Variants in PRUNE2 observed in about 807,000 individuals in gnomAD.
PRUNE2 encodes prune homolog 2 with BCH domain.
In PRUNE2, 164 loss-of-function variants were observed where a neutral mutation model predicts 252.0. The ratio of observed to expected loss-of-function variants is 0.65; its 90% CI spans 0.57 to 0.74. The LOEUF is 0.74. Ranked by LOEUF, PRUNE2 falls within the 30% of genes least tolerant of loss-of-function variation. The probability of loss-of-function intolerance (pLI) is 0.00; values close to 1 mark genes in which losing one functional copy is unlikely to be tolerated. For missense variants in PRUNE2, 3,495 were observed against 3,711.0 expected (o/e 0.94, Z 1.51); for synonymous variants, 1,292 against 1,350.2 (o/e 0.96, Z 0.94).
intron 16 of PRUNE2, among the ~76,000 whole-genome samples, chr9:76,626,759 G>A (rs553759422): frequency 2.0e-5 from 3 of 152,196 alleles, no homozygotes; most frequent in African/African-American, 4.8e-5. Context: ...GGGAGGCTTT[G>A]CAAGTGCTTT....
rs1835278590 is a variant in PRUNE2 at position 76,627,295 on chromosome 9, G to GC, written c.9149+1896_9149+1897insG. On this transcript the variant is annotated intron_variant, in intron 16 of 18. Coordinates refer to ENST00000376718, the MANE Select transcript of PRUNE2 (RefSeq NM_015225.3). ...TTTGTGTTTTTTTCATAGAGATGGGGTGGCGGGGGGCTCACCATGTTGCCC... is the reference window on the plus strand; with the variant it reads ...TTTGTGTTTTTTTCATAGAGATGGGGCTGGCGGGGGGCTCACCATGTTGCCC... Among the ~76,000 whole-genome samples, 2 of 69,498 alleles carry GC rather than the reference G, an allele frequency of 2.9e-5. 1 individual carries two copies. Among genetic ancestry groups the GC allele is most frequent in the Admixed American group, 4.4e-4 (2 of 4,512 alleles). 45.6% of individuals were successfully genotyped at this position (69,498 alleles called of 152,430 possible).
Position 76,652,543 on chromosome 9 carries a change from T to C in PRUNE2, c.8497A>G (p.Ile2833Val). The change falls in exon 11 of 19, where the codon ATC becomes GTC. Residue 2833 changes from isoleucine to valine, a missense_variant. Transcript: ENST00000376718. The stretch of plus-strand genomic sequence containing the variant: ...GGGGTATCAAGTTCATCCACATTGA[T>C]GTCAATTTCATCTGGACTGTCCAAG... Reference protein sequence around the residue: ...DNLDSPDEIDINVDELDTPDE... With the variant: ...DNLDSPDEIDVNVDELDTPDE... The C allele has an allele frequency of 6.2e-7, 1 of 1,613,504 alleles. No homozygotes were observed. Among genetic ancestry groups the C allele is most frequent in the Non-Finnish European group, 8.5e-7 (1 of 1,179,514 alleles).
intron 18 of PRUNE2, chr9:76,614,982 C>A: frequency 2.1e-6 from 1 of 481,290 alleles, no homozygotes; most frequent in Non-Finnish European, 2.8e-6. Flanking sequence ...AACAAATGTT[C>A]TGCCTCAAGT....
intron 9 of PRUNE2, among the ~76,000 whole-genome samples, chr9:76,699,889 T>A (rs1156744310): frequency 6.6e-6 from 1 of 152,222 alleles, no homozygotes; most frequent in Non-Finnish European, 1.5e-5. Context: ...TGCTACAGAT[T>A]ACCCTGCAAA....
intron 6 of PRUNE2, among the ~76,000 whole-genome samples, chr9:76,723,237 G>A (rs1252011172): frequency 6.6e-6 from 1 of 152,222 alleles, no homozygotes; most frequent in Non-Finnish European, 1.5e-5. Context: ...GGGCATGCAA[G>A]TGTACACAGG....
chr9:76,870,258 G>C (rs1409341085), intron 1 of PRUNE2, among the ~76,000 whole-genome samples: 1 of 150,148 alleles, frequency 6.7e-6, no homozygotes, highest in Non-Finnish European at 1.5e-5. Context: ...GTCAAAAGAA[G>C]AGAGCAAGAC....
chr9:76,657,985 T>C (rs1849863321), intron 9 of PRUNE2, among the ~76,000 whole-genome samples: 1 of 152,128 alleles, frequency 6.6e-6, no homozygotes, highest in Non-Finnish European at 1.5e-5. Flanking sequence ...TGTGTTAGCA[T>C]GCACCGGGGG....
intron 1 of PRUNE2, among the ~76,000 whole-genome samples, chr9:76,860,036 G>C (rs2060465923): frequency 6.6e-6 from 1 of 152,164 alleles, no homozygotes; most frequent in African/African-American, 2.4e-5. Flanking sequence ...TTAGTGGGCA[G>C]GGGCTGGAAA....
intron 4 of PRUNE2, among the ~76,000 whole-genome samples, chr9:76,836,546 C>T (rs538405761): frequency 1.2e-4 from 19 of 152,040 alleles, no homozygotes; most frequent in Admixed American, 6.6e-4. Flanking sequence ...TTTATGAGCA[C>T]GTTCCCTTCT....
chr9:76,695,130 G>A (rs2045260588), intron 9 of PRUNE2, among the ~76,000 whole-genome samples: 1 of 152,144 alleles, frequency 6.6e-6, no homozygotes, highest in African/African-American at 2.4e-5. Context: ...CCATCTCCCA[G>A]GTTCAAGCAA....
At chr9:76,640,887 T>C in intron 12 of PRUNE2, among the ~76,000 whole-genome samples, 1 of 152,226 alleles carries the variant, frequency 6.6e-6, no homozygotes, top group Non-Finnish European at 1.5e-5. Context: ...TTTTTCTAAA[T>C]GTAGCAATCT....
At chr9:76,693,748 C>T (rs2045073926) in intron 9 of PRUNE2, among the ~76,000 whole-genome samples, 2 of 151,998 alleles carry the variant, frequency 1.3e-5, no homozygotes, top group Non-Finnish European at 2.9e-5. Flanking sequence ...GGCCTTAGCT[C>T]CTATTCTTAT....
At chr9:76,780,281 A>G (rs1333883092) in intron 6 of PRUNE2, among the ~76,000 whole-genome samples, 2 of 152,198 alleles carry the variant, frequency 1.3e-5, no homozygotes, top group Non-Finnish European at 2.9e-5. Context: ...CCAACAATTG[A>G]GAATTGAACA....
In PRUNE2 at chr9:76,768,385, G is replaced by A. The variant is rs147242190; in HGVS notation, c.757-54664C>T. On this transcript the variant is annotated intron_variant, in intron 6 of 18. Coordinates refer to ENST00000376718, the MANE Select transcript of PRUNE2 (RefSeq NM_015225.3). ...TTTTTGTATTTTTAGTAGTGACGGG[G>A]GTTCACCATGTTGGCCAAGCTGGTC... Among the ~76,000 whole-genome samples the A allele has an allele frequency of 1.0e-3, 154 of 152,070 alleles. 1 individual carries two copies. In the East Asian group the frequency reaches 0.025, roughly 25 times the overall value.
intron 6 of PRUNE2, among the ~76,000 whole-genome samples, chr9:76,727,869 C>T (rs2048254905): frequency 2.6e-5 from 4 of 151,788 alleles, no homozygotes. Context: ...TGCAAGCCAC[C>T]ATGCTTGGCT....
chr9:76,885,981 C>T (rs960121369), intron 1 of PRUNE2, among the ~76,000 whole-genome samples: 1 of 151,584 alleles, frequency 6.6e-6, no homozygotes, highest in Admixed American at 6.6e-5. Context: ...AGATCAAGAC[C>T]ATCCTGGCCA....
intron 6 of PRUNE2, among the ~76,000 whole-genome samples, chr9:76,734,794 G>A (rs116744575): frequency 2.8e-3 from 420 of 152,240 alleles, no homozygotes; most frequent in African/African-American, 9.4e-3. Flanking sequence ...ACTTGGCCAC[G>A]GTGATGGTTT....
chr9:76,778,490 G>T (rs2054036316), intron 6 of PRUNE2: 1 of 152,220 alleles, frequency 6.6e-6, no homozygotes, highest in Admixed American at 6.5e-5. Context: ...GGGATGGCCA[G>T]AGACACAGGA....
intron 1 of PRUNE2, among the ~76,000 whole-genome samples, chr9:76,873,810 A>G (rs1414227376): frequency 1.3e-5 from 2 of 152,234 alleles, no homozygotes; most frequent in Non-Finnish European, 2.9e-5. Context: ...AGTACTCCAT[A>G]AAGTGCATTA....
Sources: gnomAD v4.1 joint callset for allele counts (sites outside exome capture counted in the v4.1 genomes callset) on GRCh38, gnomAD v4.1.1 for gene constraint, MANE v1.5 for transcripts, NCBI Gene and HGNC (gene_info 2026-07-23, HGNC 2026-07-21) for gene names.